The following ADAMTS16 variants were observed in gnomAD, a reference collection of about 807,000 sequenced individuals.
The protein encoded by ADAMTS16 is A disintegrin and metalloproteinase with thrombospondin motifs 16.
Under a neutral mutation model 145.8 loss-of-function variants are expected in ADAMTS16, and 94 were observed. That is an observed-to-expected ratio of 0.64 (90% confidence interval 0.55 to 0.77). ADAMTS16 has a LOEUF of 0.77. Among genes scored for constraint, ADAMTS16 ranks in the 30% least tolerant of loss-of-function variants. ADAMTS16 has a pLI of 0.00. For missense variants in ADAMTS16, 1,585 were observed against 1,591.5 expected (o/e 1.00, Z 0.07); for synonymous variants, 659 against 604.3 (o/e 1.09, Z -1.33).
Position 5,174,336 on chromosome 5 carries a change from T to G in ADAMTS16, c.502-7708T>G, listed in dbSNP as rs76143701. ...CTGTCAGATGTATTGAAGCTCCATT[T>G]TATGTTGTTTTTTCTTTTCTCTTGT... is the stretch of plus-strand genomic sequence containing the variant. On this transcript the variant is annotated intron_variant, in intron 3 of 22. Coordinates refer to ENST00000274181, the MANE Select transcript of ADAMTS16 (RefSeq NM_139056.4). Among the ~76,000 whole-genome samples, 1,030 of 152,288 alleles carry G rather than the reference T, an allele frequency of 6.8e-3. 18 individuals are homozygous for G. The highest frequency in any genetic ancestry group is 0.028 in the East Asian group (143 of 5,190).
chr5:5,285,866 ACTTCTT>A (rs560543461), intron 18 of ADAMTS16, among the ~76,000 whole-genome samples: 2 of 152,254 alleles, frequency 1.3e-5, no homozygotes, highest in South Asian at 4.1e-4. Flanking sequence ...AGATGCCTTC[ACTTCTT>A]CTTCTTCTTC....
chr5:5,211,077 T>C (rs755265746), intron 10 of ADAMTS16, among the ~76,000 whole-genome samples: 1 of 152,202 alleles, frequency 6.6e-6, no homozygotes, highest in Non-Finnish European at 1.5e-5. Flanking sequence ...AAGAATTGAT[T>C]ATCAGAGTTG....
chr5:5,173,567 A>G (rs1302656835), intron 3 of ADAMTS16, among the ~76,000 whole-genome samples: 1 of 151,392 alleles, frequency 6.6e-6, no homozygotes, highest in South Asian at 2.1e-4. Context: ...TCTGCCTCCC[A>G]GGTACATGCC....
At chr5:5,189,941 T>C (rs1335828361) in intron 6 of ADAMTS16, 30 bp from the exon 7 acceptor site, 1 of 1,607,922 alleles carries the variant, frequency 6.2e-7, no homozygotes, top group Non-Finnish European at 8.5e-7. Context: ...TTCATTATCA[T>C]GGGGTCCTCG....
intron 13 of ADAMTS16, 103 bp downstream of exon 13, chr5:5,235,289 C>T (rs1453106133): frequency 5.7e-6 from 7 of 1,237,332 alleles, no homozygotes; most frequent in East Asian, 2.8e-5. Flanking sequence ...AACCAGACGT[C>T]GCTCTGGGAG....
At chr5:5,247,497 G>A (rs1737484172) in intron 17 of ADAMTS16, among the ~76,000 whole-genome samples, 1 of 152,118 alleles carries the variant, frequency 6.6e-6, no homozygotes, top group Admixed American at 6.5e-5. Context: ...GTGCTCAGAG[G>A]TCCAGGGTAA....
intron 18 of ADAMTS16, among the ~76,000 whole-genome samples, chr5:5,272,584 C>G (rs1422280893): frequency 6.6e-6 from 1 of 151,984 alleles, no homozygotes; most frequent in Non-Finnish European, 1.5e-5. Context: ...CCAGGATGGT[C>G]TCGATCTCCT....
chr5:5,303,263 C>A lies in ADAMTS16; in HGVS notation c.2790-5C>A, dbSNP rs778909220. On this transcript the variant is annotated splice_region_variant and splice_polypyrimidine_tract_variant and intron_variant, in intron 18 of 22. Coordinates refer to ENST00000274181, the MANE Select transcript of ADAMTS16 (RefSeq NM_139056.4). The stretch of plus-strand genomic sequence containing the variant: ...CCTCACCGAGGTCTCTTTGTCCCTG[C>A]CCAGCTGGTCCGTGGGGAACTGGAG... The A allele has an allele frequency of 1.3e-6, 2 of 1,551,984 alleles. No homozygotes were observed. Among genetic ancestry groups the A allele is most frequent in the East Asian group, 4.6e-5 (2 of 43,942 alleles).
At chr5:5,225,386 C>T (rs922949495) in intron 11 of ADAMTS16, among the ~76,000 whole-genome samples, 2 of 152,070 alleles carry the variant, frequency 1.3e-5, no homozygotes, top group African/African-American at 2.4e-5. Context: ...CAGATCACGA[C>T]GAGGTCAAGA....
rs142569395 is a variant in ADAMTS16, at chr5:5,286,125, G to C, written c.2790-17143G>C. 3.6e-3 allele frequency among the ~76,000 whole-genome samples: 548 copies of C among 152,218 alleles called. 2 individuals are homozygous for C. The highest frequency in any genetic ancestry group is 0.012 in the African/African-American group (485 of 41,530). On this transcript the variant is annotated intron_variant, in intron 18 of 22. Coordinates refer to ENST00000274181, the MANE Select transcript of ADAMTS16 (RefSeq NM_139056.4). ...GGGTTGGCTGCTTTCCCATTTAAAT[G>C]GGATGAACTAGAGAATGAGGTCTTT...
intron 3 of ADAMTS16, among the ~76,000 whole-genome samples, chr5:5,149,196 G>A (rs1734384856): frequency 6.6e-6 from 1 of 152,180 alleles, no homozygotes; most frequent in Admixed American, 6.5e-5. Context: ...TTGCCACCAA[G>A]TATCTTGACT....
At chr5:5,191,074 C>T (rs375191566) in intron 7 of ADAMTS16, among the ~76,000 whole-genome samples, 13 of 152,192 alleles carry the variant, frequency 8.5e-5, no homozygotes, top group African/African-American at 3.1e-4. Flanking sequence ...CGACTCATTG[C>T]TGGGGAAGAA....
chr5:5,211,699 G>A (rs1198833969), intron 10 of ADAMTS16, among the ~76,000 whole-genome samples: 1 of 152,044 alleles, frequency 6.6e-6, no homozygotes, highest in East Asian at 1.9e-4. Flanking sequence ...AGCTATTAAT[G>A]TCTTTCTAAG....
intron 11 of ADAMTS16, among the ~76,000 whole-genome samples, chr5:5,226,132 G>T (rs917097922): frequency 1.3e-5 from 2 of 152,172 alleles, no homozygotes; most frequent in Non-Finnish European, 2.9e-5. Context: ...TTTCCTTTTG[G>T]TATAGTGAGT....
chr5:5,148,505 A>G (rs967781188), intron 3 of ADAMTS16, among the ~76,000 whole-genome samples: 3 of 152,186 alleles, frequency 2.0e-5, no homozygotes, highest in African/African-American at 7.2e-5. Context: ...ATTAGAGAAA[A>G]TGGTTTACAG....
At chr5:5,216,216 A>AT (rs1376428215) in intron 10 of ADAMTS16, among the ~76,000 whole-genome samples, 1 of 151,716 alleles carries the variant, frequency 6.6e-6, no homozygotes, top group Non-Finnish European at 1.5e-5. Flanking sequence ...CTGTTTTTTG[A>AT]TTTTTTAGTT....
Position 5,319,027 on chromosome 5 carries a change from C to T in ADAMTS16, c.3564C>T (p.Ala1188=). 6.2e-7 allele frequency: 1 copy of T among 1,610,846 alleles called. No individual in the cohort carries two copies. Among genetic ancestry groups the T allele is most frequent in the South Asian group, 1.1e-5 (1 of 90,284 alleles). The part of the protein sequence containing the change: ...HFCPIAEKKD[A]FCKDYFHWCY... ...TGCAGCTCTGCTCATTTTCAGATGC[C>T]TTCTGCAAAGACTACTTCCACTGGT... Residue 1188 remains alanine, a synonymous_variant, in exon 23 of 23, where the codon GCC becomes GCT. Transcript: ENST00000274181.
chr5:5,157,140 A>T (rs932484529), intron 3 of ADAMTS16, among the ~76,000 whole-genome samples: 12 of 152,210 alleles, frequency 7.9e-5, no homozygotes, highest in Non-Finnish European at 1.0e-4. Context: ...GCATGTGTTT[A>T]AAATCAAGTA....
At position 5,263,802 on chromosome 5, in the gene ADAMTS16, G is replaced by A. The variant is rs534263619; in HGVS notation, c.2789+1019G>A. ...CTCAGTCAGCCCCTGACCCTGTAGTGGGGGGCAGCTGCCCTCCACCAGCGG... is the reference window on the plus strand; with the variant it reads ...CTCAGTCAGCCCCTGACCCTGTAGTAGGGGGCAGCTGCCCTCCACCAGCGG... On this transcript the variant is annotated intron_variant, in intron 18 of 22. Transcript: ENST00000274181. Among the ~76,000 whole-genome samples, 201 of 152,300 alleles carry A rather than the reference G, an allele frequency of 1.3e-3. 1 individual carries two copies. Among genetic ancestry groups the A allele is most frequent in the African/African-American group, 4.3e-3 (180 of 41,568 alleles).
Sources: allele counts gnomAD v4.1 joint callset (sites outside exome capture counted in the v4.1 genomes callset), GRCh38; gene constraint gnomAD v4.1.1; transcripts MANE v1.5; gene names NCBI Gene and HGNC (gene_info 2026-07-23, HGNC 2026-07-21).